Variants in NEDD1 observed in about 807,000 individuals in gnomAD.
NEDD1 encodes protein NEDD1.
A neutral mutation model predicts 74.0 loss-of-function variants in NEDD1; 33 were observed. The ratio of observed to expected loss-of-function variants is 0.45; its 90% CI spans 0.34 to 0.60. NEDD1 has a LOEUF of 0.60. Among genes scored for constraint, NEDD1 ranks in the 20% least tolerant of loss-of-function variants. NEDD1 has a pLI of 0.01. For synonymous variants in NEDD1, 250 were observed against 264.4 expected, an observed-to-expected ratio of 0.95 and a Z score of 0.53; for missense variants, 746 against 776.5, an observed-to-expected ratio of 0.96 and a Z score of 0.47.
intron 6 of NEDD1, among the ~76,000 whole-genome samples, chr12:96,934,693 A>G (rs1199178242): frequency 1.3e-5 from 2 of 151,954 alleles, no homozygotes; most frequent in African/African-American, 2.4e-5. Flanking sequence ...GCCTGCCACC[A>G]TGCCCAGCTA....
Position 96,936,756 on chromosome 12 carries a change from G to A in NEDD1, c.865G>A (p.Ala289Thr), listed in dbSNP as rs750107162. 1 of 1,612,836 alleles carries A rather than the reference G, an allele frequency of 6.2e-7. No homozygotes were observed. The highest frequency in any genetic ancestry group is 8.5e-7 in the Non-Finnish European group (1 of 1,178,974). Reference protein sequence around the residue: ...MLKSPVKTISAHKTSVQCIAF... With the variant: ...MLKSPVKTISTHKTSVQCIAF... ...GAAATCACCAGTTAAGACCATCAGT[G>A]CTCACAAGACATCTGTGCAGTGTAT... The change falls in exon 8 of 16, where the codon GCT (alanine) becomes ACT (threonine). Residue 289 changes from alanine (A) to threonine (T), a missense_variant. Physicochemically the swap from Ala to Thr is moderately conservative, Grantham distance 58 (BLOSUM62 0). This residue lies in a region of NEDD1 where 706 missense variants were observed against 706.7 expected (regional missense o/e 1.00). Transcript: ENST00000266742.
chr12:96,924,768 A>G (rs1235690499), intron 6 of NEDD1: 2 of 423,958 alleles, frequency 4.7e-6, no homozygotes, highest in Non-Finnish European at 9.2e-6. Flanking sequence ...GTGAATGATA[A>G]GTTTTTATTT....
rs113284349 is a variant in NEDD1, at chr12:96,940,611, T to C, written c.1246+74T>C. ...TATTCTGGCTAAAAGATGTGAATAA[T>C]AGCTTCAGTCCAACTCTATTCACGG... On this transcript the variant is annotated intron_variant, in intron 10 of 15. Transcript: ENST00000266742. 2.8e-6 allele frequency: 3 copies of C among 1,068,576 alleles called. No homozygotes were observed. The African/African-American group carries it at 4.8e-5, about 17-fold the overall frequency. 66.2% of individuals were successfully genotyped at this position (1,068,576 alleles called of 1,614,324 possible).
At chr12:96,910,993 G>A (rs1284190727) in intron 3 of NEDD1, among the ~76,000 whole-genome samples, 1 of 152,076 alleles carries the variant, frequency 6.6e-6, no homozygotes, top group African/African-American at 2.4e-5. Flanking sequence ...TAACAAGAAG[G>A]ACAAATTTTC....
rs1192098838 is a variant in NEDD1, at chr12:96,909,871, A to G, written c.112A>G (p.Ser38Gly). The G allele has an allele frequency of 1.2e-6, 2 of 1,612,636 alleles. No homozygotes were observed. The highest frequency in any genetic ancestry group is 3.3e-4 in the Middle Eastern group (2 of 6,082). The change falls in exon 3 of 16, where the codon AGC (serine) becomes GGC (glycine). Residue 38 changes from serine to glycine, a missense_variant. Physicochemically the swap from Ser to Gly is moderately conservative, Grantham distance 56 (BLOSUM62 0). Transcript: ENST00000266742. Reference protein sequence around the residue: ...FNPHTSPHGISSICWSSNNNF... With the variant: ...FNPHTSPHGIGSICWSSNNNF... ...CCCACACACATCACCACATGGAATC[A>G]GCTCAATATGTTGGAGCAGCAATAG... is the stretch of plus-strand genomic sequence containing the variant.
At position 96,907,913 on chromosome 12, in the gene NEDD1, T is replaced by C. The variant is rs545489197; in HGVS notation, c.-9+57T>C. The C allele has an allele frequency of 6.9e-5, 89 of 1,282,552 alleles. 1 individual carries two copies. The South Asian group carries it at 1.4e-3, about 20-fold the overall frequency. The allele number at this position is 1,282,552 out of a possible 1,614,324, so 79.4% of individuals were successfully genotyped here. On this transcript the variant is annotated intron_variant, in intron 2 of 15. Coordinates refer to ENST00000266742, the MANE Select transcript of NEDD1 (RefSeq NM_152905.4). ...CGCTTTAAGAGCCGAAAACAAACAT[T>C]AAATCACCCGGCGAGTTGTGTTTCC...
In NEDD1 at chr12:96,907,998, C is replaced by G. The variant is rs372642467; in HGVS notation, c.-9+142C>G. ...TGAGCCCAGGCCTCAGTGATCTACC[C>G]ACTACACCCCGCAGCTCACCAGGCC... is the stretch of plus-strand genomic sequence containing the variant. On this transcript the variant is annotated intron_variant, in intron 2 of 15. Coordinates refer to ENST00000266742, the MANE Select transcript of NEDD1 (RefSeq NM_152905.4). The G allele has an allele frequency of 1.1e-4, 51 of 474,148 alleles. No individual in the cohort carries two copies. In the East Asian group the frequency reaches 2.2e-3, roughly 20 times the overall value. 29.4% of individuals were successfully genotyped at this position (474,148 alleles called of 1,614,324 possible). A position where few individuals can be genotyped will look rare whatever the true frequency, so the allele number is the denominator to read the frequency against.
intron 9 of NEDD1, among the ~76,000 whole-genome samples, chr12:96,939,888 T>A (rs1200365810): frequency 6.6e-6 from 1 of 151,950 alleles, no homozygotes; most frequent in African/African-American, 2.4e-5. Flanking sequence ...AATGTTAAGC[T>A]CCCACTGTTA....
chr12:96,928,687 T>C (rs900682674), intron 6 of NEDD1, among the ~76,000 whole-genome samples: 2 of 143,832 alleles, frequency 1.4e-5, no homozygotes, highest in South Asian at 4.6e-4. Context: ...GTTTCTTTTT[T>C]TTTTTTTTTT....
chr12:96,948,639 A>G (rs1396308330), intron 14 of NEDD1, among the ~76,000 whole-genome samples: 2 of 152,186 alleles, frequency 1.3e-5, no homozygotes, highest in Non-Finnish European at 2.9e-5. Flanking sequence ...AAATCTGTGC[A>G]TCTGTTTCTG....
rs777557927 is a variant in NEDD1, at chr12:96,909,823, A to G, written c.64A>G (p.Met22Val). The stretch of plus-strand genomic sequence containing the variant: ...TATTAAAATATGGGATGCTTCATCT[A>G]TGACATTGGTGGATAAATTCAACCC... ...DDIKIWDASS[M>V]TLVDKFNPHT... Residue 22 changes from methionine to valine, a missense_variant, in exon 3 of 16, where the codon ATG becomes GTG. This residue lies in a region of NEDD1 where 706 missense variants were observed against 706.7 expected (regional missense o/e 1.00). Coordinates refer to ENST00000266742, the MANE Select transcript of NEDD1 (RefSeq NM_152905.4). The G allele has an allele frequency of 6.8e-6, 11 of 1,613,664 alleles. No individual in the cohort carries two copies. Among genetic ancestry groups the G allele is most frequent in the South Asian group, 5.5e-5 (5 of 91,072 alleles).
At chr12:96,916,657 G>A (rs1478432615) in intron 4 of NEDD1, among the ~76,000 whole-genome samples, 2 of 150,026 alleles carry the variant, frequency 1.3e-5, no homozygotes, top group Non-Finnish European at 3.0e-5. Context: ...GTCTATCATT[G>A]TTGGACATTT....
intron 6 of NEDD1, chr12:96,924,926 A>G: frequency 2.3e-6 from 1 of 437,366 alleles, no homozygotes; most frequent in South Asian, 1.7e-5. Flanking sequence ...ACTACCAAGC[A>G]TGATAGTCAT....
At chr12:96,929,556 T>TACACAC (rs71078436) in intron 6 of NEDD1, among the ~76,000 whole-genome samples, 3,452 of 127,730 alleles carry the variant, frequency 0.027, 70 homozygotes, top group Non-Finnish European at 0.041. Context: ...TTTTCATGTA[T>TACACAC]ACACACACAC....
rs995123796 is a variant in NEDD1 at position 96,943,880 on chromosome 12, A to G, written c.1497+118A>G. 6 of 626,990 alleles carry G rather than the reference A, an allele frequency of 9.6e-6. No individual in the cohort carries two copies. The Admixed American group carries it at 1.2e-4, about 12-fold the overall frequency. 38.8% of individuals were successfully genotyped at this position (626,990 alleles called of 1,614,324 possible). A position where few individuals can be genotyped will look rare whatever the true frequency, so the allele number is the denominator to read the frequency against. On this transcript the variant is annotated intron_variant, in intron 12 of 15. Coordinates refer to ENST00000266742, the MANE Select transcript of NEDD1 (RefSeq NM_152905.4). ...GCTATGCACTTATTCATAAGTCTTG[A>G]TGTCAGATTTTAATAACTACAGAAT...
intron 4 of NEDD1, among the ~76,000 whole-genome samples, chr12:96,916,075 G>A (rs982169693): frequency 1.3e-5 from 2 of 151,946 alleles, no homozygotes; most frequent in Non-Finnish European, 2.9e-5. Context: ...CAAATATAGG[G>A]TTGTATATTT....
At chr12:96,929,556 TACACACACACACAC>T (rs71078436) in intron 6 of NEDD1, among the ~76,000 whole-genome samples, 18,871 of 127,664 alleles carry the variant, frequency 0.15, 1,513 homozygotes, top group Middle Eastern at 0.24. Context: ...TTTTCATGTA[TACACACACACACAC>T]ACACACACAC....
intron 6 of NEDD1, among the ~76,000 whole-genome samples, chr12:96,923,191 G>C (rs1022075589): frequency 1.3e-5 from 2 of 152,084 alleles, no homozygotes; most frequent in Non-Finnish European, 2.9e-5. Context: ...TTGTTGCATG[G>C]AATAGTAGTT....
At chr12:96,950,222 T>A (rs1878580849) in intron 14 of NEDD1, among the ~76,000 whole-genome samples, 1 of 151,942 alleles carries the variant, frequency 6.6e-6, no homozygotes, top group South Asian at 2.1e-4. Flanking sequence ...AAAAATGCAA[T>A]GAGATACCGT....
Sources: gnomAD v4.1 joint callset for allele counts (sites outside exome capture counted in the v4.1 genomes callset) on GRCh38, gnomAD v4.1.1 for gene constraint, gnomAD v4.1.1 regional missense constraint, MANE v1.5 for transcripts, NCBI Gene and HGNC (gene_info 2026-07-23, HGNC 2026-07-21) for gene names.